Variants in PATL2 observed in about 807,000 individuals in gnomAD.
The protein encoded by PATL2 is protein PAT1 homolog 2.
Under a neutral mutation model 77.0 loss-of-function variants are expected in PATL2, and 73 were observed. The ratio of observed to expected loss-of-function variants is 0.95; its 90% CI spans 0.78 to 1.15. The LOEUF is 1.15. PATL2 is among the 50% of genes most tolerant of loss of function. PATL2 has a pLI of 0.00. For synonymous variants in PATL2, 265 were observed against 257.1 expected (o/e 1.03, Z -0.29); for missense variants, 618 against 655.4 (o/e 0.94, Z 0.62).
chr15:44,690,531 T>A (rs2086368007), intron 3 of PATL2, among the ~76,000 whole-genome samples: 1 of 149,410 alleles, frequency 6.7e-6, no homozygotes, highest in African/African-American at 2.5e-5. Flanking sequence ...ATAAACAGCA[T>A]CTCACAATGT....
chr15:44,687,952 A>G (rs1442750304), intron 3 of PATL2, among the ~76,000 whole-genome samples: 1 of 152,190 alleles, frequency 6.6e-6, no homozygotes, highest in Non-Finnish European at 1.5e-5. Context: ...GGAAGAATCA[A>G]TATCGTGAAA....
chr15:44,672,326 A>C (rs150074768), intron 8 of PATL2, 62 bp downstream of exon 8: 16,053 of 1,530,820 alleles, frequency 0.01, 124 homozygotes, highest in Middle Eastern at 0.035. Flanking sequence ...ACAACTGGTC[A>C]CAAGGGGAGA....
At chr15:44,693,205 C>T (rs762724981) in intron 3 of PATL2, among the ~76,000 whole-genome samples, 6 of 152,202 alleles carry the variant, frequency 3.9e-5, no homozygotes, top group South Asian at 2.1e-4. Context: ...GCTGCTGTAA[C>T]GAATTTCCAA....
chr15:44,698,729 A>G (rs2086566344), intron 3 of PATL2, among the ~76,000 whole-genome samples: 1 of 152,214 alleles, frequency 6.6e-6, no homozygotes, highest in Non-Finnish European at 1.5e-5. Context: ...TCTTTGATAT[A>G]CTGATTTTCT....
intron 3 of PATL2, among the ~76,000 whole-genome samples, chr15:44,696,462 T>A (rs927597242): frequency 1.3e-5 from 2 of 152,212 alleles, no homozygotes; most frequent in African/African-American, 4.8e-5. Flanking sequence ...TTAGGATTTT[T>A]ATATTTCTGT....
intron 3 of PATL2, among the ~76,000 whole-genome samples, chr15:44,696,541 A>C (rs2086506802): frequency 6.6e-6 from 1 of 152,160 alleles, no homozygotes; most frequent in African/African-American, 2.4e-5. Context: ...CATCTGATAG[A>C]CTGCAATGGT....
At chr15:44,702,768 A>AC (rs141295867) in intron 3 of PATL2, among the ~76,000 whole-genome samples, 7,176 of 152,068 alleles carry the variant, frequency 0.047, 618 homozygotes, top group African/African-American at 0.17. Flanking sequence ...TTAGGAGCAT[A>AC]TTTTAATTTC....
chr15:44,669,631 C>G lies in PATL2; in HGVS notation c.877-68G>C, dbSNP rs1002674027. On this transcript the variant is annotated intron_variant, in intron 11 of 17. Transcript: ENST00000682850. ...CCACAGCCCTAGCCCAGGCCCCCAA[C>G]TAGCTAGAGATTGAGCTGGAAAGGC... The G allele has an allele frequency of 1.0e-5, 16 of 1,525,404 alleles. No homozygotes were observed. In the African/African-American group the frequency reaches 2.1e-4, roughly 20 times the overall value. The allele number at this position is 1,525,404 out of a possible 1,614,324, so 94.5% of individuals were successfully genotyped here.
At chr15:44,704,402 T>C (rs571709669) in intron 3 of PATL2, among the ~76,000 whole-genome samples, 1 of 152,270 alleles carries the variant, frequency 6.6e-6, no homozygotes, top group African/African-American at 2.4e-5. Flanking sequence ...ATTTTTGGCA[T>C]ATTCACAACA....
intron 3 of PATL2, among the ~76,000 whole-genome samples, chr15:44,683,137 TG>T (rs934539077): frequency 6.6e-6 from 1 of 152,032 alleles, no homozygotes; most frequent in Admixed American, 6.5e-5. Context: ...ACCAGGGCCT[TG>T]GGTTTCAAGC....
chr15:44,672,195 C>T (rs1248228117), intron 8 of PATL2, 39 bp from the exon 9 acceptor site: 1 of 1,551,428 alleles, frequency 6.4e-7, no homozygotes, highest in East Asian at 2.4e-5. Flanking sequence ...ACTTACCCAC[C>T]ACTGGCACTT....
intron 16 of PATL2, 84 bp from the exon 17 acceptor site, chr15:44,666,625 T>TA: frequency 1.5e-6 from 2 of 1,359,242 alleles, no homozygotes; most frequent in Non-Finnish European, 2.0e-6. Context: ...ATCTTTCCGT[T>TA]ACTACTACCA....
At chr15:44,684,836 G>T (rs979675698) in intron 3 of PATL2, among the ~76,000 whole-genome samples, 3 of 152,144 alleles carry the variant, frequency 2.0e-5, no homozygotes, top group Non-Finnish European at 4.4e-5. Context: ...AATGTTAAGA[G>T]CAGCCAGAGA....
chr15:44,690,048 G>T (rs375000708), intron 3 of PATL2, among the ~76,000 whole-genome samples: 120 of 152,172 alleles, frequency 7.9e-4, no homozygotes, highest in African/African-American at 2.8e-3. Context: ...AATTAGCCAG[G>T]CATGGTGGCA....
intron 2 of PATL2, among the ~76,000 whole-genome samples, 186 bp from the exon 3 acceptor site, chr15:44,710,400 G>A (rs959057197): frequency 3.3e-5 from 5 of 152,068 alleles, no homozygotes; most frequent in African/African-American, 7.2e-5. Flanking sequence ...ACGAAATGGC[G>A]GCACCTTATT....
intron 3 of PATL2, among the ~76,000 whole-genome samples, chr15:44,698,429 C>T (rs1359977396): frequency 2.0e-5 from 3 of 151,976 alleles, no homozygotes. Context: ...CATTATTCTA[C>T]TCTCTATTTC....
At chr15:44,699,965 T>C (rs1408654942) in intron 3 of PATL2, among the ~76,000 whole-genome samples, 1 of 152,238 alleles carries the variant, frequency 6.6e-6, no homozygotes, top group African/African-American at 2.4e-5. Flanking sequence ...TTGCTCAAGA[T>C]AGTTTTGGCT....
At chr15:44,674,437 G>A (rs575293779) in intron 5 of PATL2, 23 of 553,356 alleles carry the variant, frequency 4.2e-5, no homozygotes, top group Non-Finnish European at 6.4e-5. Context: ...CTAGTGCAGT[G>A]GTCCTCCCTT....
intron 3 of PATL2, among the ~76,000 whole-genome samples, chr15:44,689,619 C>A (rs902745864): frequency 1.3e-5 from 2 of 149,682 alleles, no homozygotes; most frequent in African/African-American, 5.0e-5. Flanking sequence ...GAACAGAAAA[C>A]CAAATACTGC....
Sources: gnomAD v4.1 joint callset for allele counts (sites outside exome capture counted in the v4.1 genomes callset) on GRCh38, gnomAD v4.1.1 for gene constraint, MANE v1.5 for transcripts, NCBI Gene and HGNC (gene_info 2026-07-23, HGNC 2026-07-21) for gene names.